The following IKZF2 variants were observed in gnomAD, a reference collection of about 807,000 sequenced individuals.
IKZF2 encodes the protein IKAROS family zinc finger 2.
Under a neutral mutation model 49.2 loss-of-function variants are expected in IKZF2, and 15 were observed. The ratio of observed to expected loss-of-function variants is 0.30; its 90% confidence interval spans 0.20 to 0.47. The LOEUF (loss-of-function observed/expected upper bound fraction) is 0.47. IKZF2 is among the 20% of genes least tolerant of loss of function. The pLI is 1.00. For synonymous variants in IKZF2, 227 were observed against 221.4 expected, an observed-to-expected ratio of 1.03 and a Z score of -0.23; for missense variants, 567 against 664.6, an observed-to-expected ratio of 0.85 and a Z score of 1.61.
rs183491212 is a variant in IKZF2 at position 213,084,759 on chromosome 2, T to G, written c.140-27660A>C. On this transcript the variant is annotated intron_variant, in intron 4 of 8. Transcript: ENST00000434687. ...CTAATCTGAAAGAATAAAATAACAT[T>G]AAGCCTTGTTGAAGTTGTACTTTGT... is the stretch of plus-strand genomic sequence containing the variant. 1.1e-3 allele frequency among the ~76,000 whole-genome samples: 169 copies of G among 152,290 alleles called. No individual in the cohort carries two copies. The Middle Eastern group carries it at 0.031, about 28-fold the overall frequency.
intron 4 of IKZF2, among the ~76,000 whole-genome samples, chr2:213,135,068 T>C (rs2060608491): frequency 1.3e-5 from 2 of 152,216 alleles, no homozygotes; most frequent in Admixed American, 1.3e-4. Context: ...AGAATTGTCT[T>C]GCTAAAAATA....
At chr2:213,072,971 C>A (rs1041299407) in intron 4 of IKZF2, among the ~76,000 whole-genome samples, 2 of 151,968 alleles carry the variant, frequency 1.3e-5, no homozygotes, top group Non-Finnish European at 1.5e-5. Context: ...CTTTTTCATT[C>A]ATTTAATAAT....
chr2:213,048,878 A>AT (rs1213528127), intron 6 of IKZF2, among the ~76,000 whole-genome samples: 2 of 152,042 alleles, frequency 1.3e-5, no homozygotes, highest in African/African-American at 4.8e-5. Flanking sequence ...CACTTCCATC[A>AT]TATCTTCATA....
At chr2:213,146,769 G>GGGGGGAGGGAA (rs397769777) in intron 4 of IKZF2, among the ~76,000 whole-genome samples, 1 of 106,816 alleles carries the variant, frequency 9.4e-6, no homozygotes, top group Non-Finnish European at 2.1e-5. Flanking sequence ...CGGGGGGGGG[G>GGGGGGAGGGAA]AAGGAAAGAG....
At chr2:213,065,617 T>C (rs1187898312) in intron 4 of IKZF2, among the ~76,000 whole-genome samples, 4 of 152,072 alleles carry the variant, frequency 2.6e-5, no homozygotes, top group Non-Finnish European at 5.9e-5. Context: ...GTTATATATA[T>C]CAACTGAATT....
intron 4 of IKZF2, among the ~76,000 whole-genome samples, chr2:213,063,705 T>C (rs1443622320): frequency 6.6e-6 from 1 of 152,048 alleles, no homozygotes; most frequent in African/African-American, 2.4e-5. Context: ...AAGTGGCTAT[T>C]GAAAGGATAC....
chr2:213,087,512 T>C (rs914096219), intron 4 of IKZF2, among the ~76,000 whole-genome samples: 1 of 152,198 alleles, frequency 6.6e-6, no homozygotes, highest in Non-Finnish European at 1.5e-5. Flanking sequence ...TTTTTAATTA[T>C]ACTTTAAGTT....
chr2:213,101,017 TAGAAAGAGAGAGAGAA>T (rs1481028177), intron 4 of IKZF2, among the ~76,000 whole-genome samples: 2 of 151,448 alleles, frequency 1.3e-5, no homozygotes, highest in African/African-American at 4.8e-5. Flanking sequence ...GCTGCCATGG[TAGAAAGAGAGAGAGAA>T]AGAAAGAGAG....
intron 4 of IKZF2, among the ~76,000 whole-genome samples, chr2:213,129,769 C>T (rs2060411505): frequency 1.3e-5 from 2 of 152,054 alleles, no homozygotes; most frequent in Non-Finnish European, 2.9e-5. Context: ...ATATTTTAGG[C>T]TTAAGGTACT....
intron 6 of IKZF2, among the ~76,000 whole-genome samples, chr2:213,047,101 G>A (rs1700221067): frequency 6.6e-6 from 1 of 152,092 alleles, no homozygotes; most frequent in South Asian, 2.1e-4. Context: ...TATCCTAATA[G>A]GATATGCCTT....
chr2:213,041,545 G>A (rs753389797), intron 6 of IKZF2, among the ~76,000 whole-genome samples: 15 of 151,958 alleles, frequency 9.9e-5, no homozygotes, highest in Admixed American at 2.6e-4. Flanking sequence ...CTCATGATCC[G>A]CCCACCTCGG....
chr2:213,001,004 C>T lies in IKZF2; in HGVS notation c.*6356G>A, dbSNP rs559220530. On this transcript the variant is annotated 3_prime_UTR_variant, in exon 9 of 9. Coordinates refer to ENST00000434687, the MANE Select transcript of IKZF2 (RefSeq NM_001387220.1). ...TGTTTTTCTCTTTGCTTGTTGTGTCCTTTAACATACTATGACTTTTATGAG... is the reference window on the plus strand; with the variant it reads ...TGTTTTTCTCTTTGCTTGTTGTGTCTTTTAACATACTATGACTTTTATGAG... The T allele has an allele frequency of 6.6e-6, 1 of 151,404 alleles. No homozygotes were observed. The highest frequency in any genetic ancestry group is 2.4e-5 in the African/African-American group (1 of 41,352). 9.4% of individuals were successfully genotyped at this position (151,404 alleles called of 1,614,324 possible).
At chr2:213,136,059 AAAAG>A (rs2060651199) in intron 4 of IKZF2, among the ~76,000 whole-genome samples, 2 of 149,998 alleles carry the variant, frequency 1.3e-5, no homozygotes, top group African/African-American at 2.5e-5. Flanking sequence ...AAAAAAAAAA[AAAAG>A]AAAGAAAGAA....
rs79663621 is a variant in IKZF2, at chr2:213,084,832, T to A, written c.140-27733A>T. Among the ~76,000 whole-genome samples the A allele has an allele frequency of 7.9e-5, 12 of 152,350 alleles. No homozygotes were observed. The East Asian group carries it at 2.3e-3, about 29-fold the overall frequency. ...CTTACAACTCTCTTTGCTCATGTAGTATCCCTTTGCATTGGATGTCCTCAT... is the reference window on the plus strand; with the variant it reads ...CTTACAACTCTCTTTGCTCATGTAGAATCCCTTTGCATTGGATGTCCTCAT... On this transcript the variant is annotated intron_variant, in intron 4 of 8. Coordinates refer to ENST00000434687, the MANE Select transcript of IKZF2 (RefSeq NM_001387220.1).
chr2:213,071,334 T>C (rs986286929), intron 4 of IKZF2, among the ~76,000 whole-genome samples: 1 of 151,980 alleles, frequency 6.6e-6, no homozygotes, highest in African/African-American at 2.4e-5. Context: ...TACTAAGTAA[T>C]AGGCAAACAA....
At chr2:213,125,813 C>T (rs561950229) in intron 4 of IKZF2, among the ~76,000 whole-genome samples, 4 of 151,562 alleles carry the variant, frequency 2.6e-5, no homozygotes, top group African/African-American at 7.3e-5. Flanking sequence ...CCAAGAACAA[C>T]GTTGGTATTA....
intron 4 of IKZF2, among the ~76,000 whole-genome samples, chr2:213,109,169 G>A (rs1404466541): frequency 6.6e-6 from 1 of 151,928 alleles, no homozygotes; most frequent in Non-Finnish European, 1.5e-5. Flanking sequence ...ATCACTTTGA[G>A]GAGACTTATT....
intron 4 of IKZF2, among the ~76,000 whole-genome samples, chr2:213,142,505 T>C (rs551352928): frequency 3.2e-4 from 48 of 152,138 alleles, no homozygotes; most frequent in African/African-American, 1.1e-3. Flanking sequence ...TGATTATTTA[T>C]TGAGTCTTAG....
chr2:213,050,272 T>C (rs1327986219), intron 5 of IKZF2, among the ~76,000 whole-genome samples: 1 of 152,158 alleles, frequency 6.6e-6, no homozygotes, highest in Non-Finnish European at 1.5e-5. Flanking sequence ...AATTAACAAA[T>C]GAAGAAATTA....
Sources: gnomAD v4.1 joint callset for allele counts (sites outside exome capture counted in the v4.1 genomes callset) on GRCh38, gnomAD v4.1.1 for gene constraint, MANE v1.5 for transcripts, NCBI Gene and HGNC (gene_info 2026-07-23, HGNC 2026-07-21) for gene names.